Variants in NR2F1-AS1 observed in about 807,000 individuals in gnomAD.
The protein encoded by NR2F1-AS1 is NR2F1 regulatory antisense RNA 1, also known as NR2F1 antisense RNA 1.
chr5:93,546,215 G>T (rs1044888489), intron 4 of NR2F1-AS1, among the ~76,000 whole-genome samples: 3 of 152,160 alleles, frequency 2.0e-5, no homozygotes, highest in African/African-American at 4.8e-5. Flanking sequence ...ACTGTACATG[G>T]ACTGAGCAAT....
intron 4 of NR2F1-AS1, among the ~76,000 whole-genome samples, chr5:93,437,001 T>A (rs548892503): frequency 1.7e-4 from 25 of 150,846 alleles, no homozygotes; most frequent in Admixed American, 8.6e-4. Context: ...AAAAAAAAAA[T>A]TAAATACCAT....
intron 4 of NR2F1-AS1, among the ~76,000 whole-genome samples, chr5:93,482,699 C>T (rs181292270): frequency 2.8e-4 from 43 of 152,160 alleles, no homozygotes; most frequent in Admixed American, 3.9e-4. Flanking sequence ...TAAGATCAAC[C>T]GGCTTGAAAT....
At chr5:93,448,871 C>T (rs1262394318) in intron 4 of NR2F1-AS1, among the ~76,000 whole-genome samples, 1 of 152,146 alleles carries the variant, frequency 6.6e-6, no homozygotes, top group African/African-American at 2.4e-5. Context: ...CCAGAAACTC[C>T]CTCACTGAGA....
intron 4 of NR2F1-AS1, among the ~76,000 whole-genome samples, chr5:93,466,394 GCACT>G (rs1437199892): frequency 6.7e-5 from 10 of 150,356 alleles, no homozygotes; most frequent in African/African-American, 2.5e-4. Flanking sequence ...GTGCAGTGGC[GCACT>G]CAATCTCAGC....
chr5:93,452,269 A>C (rs1749847382), intron 4 of NR2F1-AS1, among the ~76,000 whole-genome samples: 1 of 152,244 alleles, frequency 6.6e-6, no homozygotes, highest in Admixed American at 6.5e-5. Flanking sequence ...ATTAACTATG[A>C]GAACTGCCTT....
At chr5:93,558,869 T>C (rs947264662) in intron 2 of NR2F1-AS1, among the ~76,000 whole-genome samples, 4 of 152,206 alleles carry the variant, frequency 2.6e-5, no homozygotes, top group Non-Finnish European at 4.4e-5. Context: ...GATGAACACA[T>C]GTGCTGTCAT....
At chr5:93,455,130 G>A (rs1749918924) in intron 4 of NR2F1-AS1, among the ~76,000 whole-genome samples, 1 of 152,146 alleles carries the variant, frequency 6.6e-6, no homozygotes, top group Non-Finnish European at 1.5e-5. Context: ...GTGAGGTCTT[G>A]TGGTTCTGCC....
chr5:93,422,145 T>A (rs1465079226), intron 4 of NR2F1-AS1: 1 of 152,256 alleles, frequency 6.6e-6, no homozygotes, highest in Non-Finnish European at 1.5e-5. Flanking sequence ...CCCAGCCAGC[T>A]GTTTGCCAAA....
chr5:93,472,128 T>C (rs963268386), intron 4 of NR2F1-AS1, among the ~76,000 whole-genome samples: 2 of 151,842 alleles, frequency 1.3e-5, no homozygotes, highest in African/African-American at 4.8e-5. Flanking sequence ...ATAGTGTTGC[T>C]ATAATTTGAA....
chr5:93,446,783 C>T (rs1021464512), intron 4 of NR2F1-AS1, among the ~76,000 whole-genome samples: 23 of 152,190 alleles, frequency 1.5e-4, no homozygotes, highest in Middle Eastern at 6.8e-3. Flanking sequence ...GGAGACATCA[C>T]GCTACCTGAC....
At chr5:93,445,294 A>G (rs1749673135) in intron 4 of NR2F1-AS1, among the ~76,000 whole-genome samples, 2 of 152,252 alleles carry the variant, frequency 1.3e-5, no homozygotes, top group African/African-American at 4.8e-5. Context: ...CAAAATTGAT[A>G]GACAACTAGC....
At chr5:93,416,282 G>C (rs1402790475) in intron 4 of NR2F1-AS1, among the ~76,000 whole-genome samples, 1 of 152,152 alleles carries the variant, frequency 6.6e-6, no homozygotes, top group Non-Finnish European at 1.5e-5. Flanking sequence ...TTGACACAAA[G>C]ACTGTGCACA....
chr5:93,516,141 A>G (rs1418628404), intron 4 of NR2F1-AS1, among the ~76,000 whole-genome samples: 1 of 151,890 alleles, frequency 6.6e-6, no homozygotes, highest in Non-Finnish European at 1.5e-5. Flanking sequence ...CAACATCCAG[A>G]CAAAATGTGT....
At chr5:93,530,656 C>A (rs1395753179) in intron 4 of NR2F1-AS1, among the ~76,000 whole-genome samples, 1 of 152,130 alleles carries the variant, frequency 6.6e-6, no homozygotes, top group Non-Finnish European at 1.5e-5. Flanking sequence ...TATTTCATAC[C>A]TCAAGGTCTT....
chr5:93,546,102 G>A (rs1354209276), intron 4 of NR2F1-AS1, among the ~76,000 whole-genome samples: 1 of 152,166 alleles, frequency 6.6e-6, no homozygotes, highest in Non-Finnish European at 1.5e-5. Flanking sequence ...CCGAACTTCA[G>A]TTTCCTCCTC....
chr5:93,466,494 G>A lies in NR2F1-AS1; in HGVS notation n.639-70952C>T, dbSNP rs192446350. On this transcript the variant is annotated intron_variant and non_coding_transcript_variant, in intron 4 of 5. Coordinates refer to ENST00000660523, the Ensembl canonical transcript of NR2F1-AS1. ...TGGGACTAAAGGCGCCCACCACCAC[G>A]CCTGGCTAATTTTTTATATTTTTAG... Among the ~76,000 whole-genome samples, 487 of 151,728 alleles carry A rather than the reference G, an allele frequency of 3.2e-3. 1 individual carries two copies. The highest frequency in any genetic ancestry group is 5.4e-3 in the Non-Finnish European group (369 of 67,914).
upstream of NR2F1-AS1, among the ~76,000 whole-genome samples, chr5:93,582,427 A>G (rs1026283638): frequency 6.6e-6 from 1 of 152,042 alleles, no homozygotes; most frequent in Non-Finnish European, 1.5e-5. Flanking sequence ...AACCTTTTAA[A>G]CCAAGGTATA....
At chr5:93,556,138 CT>C (rs1284378711) in intron 2 of NR2F1-AS1, among the ~76,000 whole-genome samples, 3 of 152,164 alleles carry the variant, frequency 2.0e-5, no homozygotes. Context: ...GTAGCACTCT[CT>C]GGCCCCGAAT....
At chr5:93,483,272 G>A (rs569631427) in intron 4 of NR2F1-AS1, among the ~76,000 whole-genome samples, 1 of 152,342 alleles carries the variant, frequency 6.6e-6, no homozygotes, top group South Asian at 2.1e-4. Flanking sequence ...AATCTTTGCT[G>A]TTCTGAAGCC....
Sources: allele counts gnomAD v4.1 joint callset (sites outside exome capture counted in the v4.1 genomes callset), GRCh38; gene constraint gnomAD v4.1.1; transcripts MANE v1.5; gene names NCBI Gene and HGNC (gene_info 2026-07-23, HGNC 2026-07-21).